CDKAL1: variants seen among roughly 807,000 people sequenced by gnomAD.
CDKAL1 encodes threonylcarbamoyladenosine tRNA methylthiotransferase.
In CDKAL1, 32 loss-of-function variants were observed where a neutral mutation model predicts 68.2. The ratio of observed to expected loss-of-function variants is 0.47; its 90% CI spans 0.35 to 0.63. The LOEUF is 0.63. CDKAL1 is among the 30% of genes least tolerant of loss of function. CDKAL1 has a pLI of 0.00. For missense variants in CDKAL1, 606 were observed against 696.7 expected, an observed-to-expected ratio of 0.87 and a Z score of 1.47; for synonymous variants, 234 against 244.3, an observed-to-expected ratio of 0.96 and a Z score of 0.39.
In CDKAL1 at chr6:21,037,044, A is replaced by AT. The variant is rs1338547700; in HGVS notation, c.1056-27997dup. Among the ~76,000 whole-genome samples, 16 of 152,142 alleles carry AT rather than the reference A, an allele frequency of 1.1e-4. 2 individuals carry two copies. Among genetic ancestry groups the AT allele is most frequent in the South Asian group, 2.1e-4 (1 of 4,828 alleles). ...TGGAGATGTATCTTCTAGAACATTG[A>AT]TTTTTTTGGACTTTTTTTGTTTGTT... On this transcript the variant is annotated intron_variant, in intron 11 of 15. Transcript: ENST00000274695.
At chr6:20,702,828 G>A (rs1363696691) in intron 5 of CDKAL1, among the ~76,000 whole-genome samples, 1 of 152,134 alleles carries the variant, frequency 6.6e-6, no homozygotes, top group Non-Finnish European at 1.5e-5. Flanking sequence ...CTAGGTCTGT[G>A]GGGGTGGAGC....
intron 4 of CDKAL1, among the ~76,000 whole-genome samples, chr6:20,640,003 G>T (rs1175860852): frequency 6.6e-6 from 1 of 152,174 alleles, no homozygotes; most frequent in African/African-American, 2.4e-5. Context: ...TTTTCAAGTT[G>T]TACCTTAAGG....
At chr6:21,216,871 C>G (rs968723996) in intron 15 of CDKAL1, among the ~76,000 whole-genome samples, 4 of 152,196 alleles carry the variant, frequency 2.6e-5, no homozygotes, top group African/African-American at 7.2e-5. Flanking sequence ...AATCATTTCT[C>G]TAGTCTGGGT....
Position 20,904,938 on chromosome 6 carries a change from A to G in CDKAL1, c.743-50481A>G, listed in dbSNP as rs148433889. Among the ~76,000 whole-genome samples the G allele has an allele frequency of 5.2e-3, 791 of 152,320 alleles. 1 individual carries two copies. Among genetic ancestry groups the G allele is most frequent in the Admixed American group, 8.1e-3 (124 of 15,306 alleles). Reference sequence around the variant, plus strand: ...TATCAATCAAATCAAATCAAAACAAAACAAAACCAAAAGCCGCAGCAAACC... The same window carrying G: ...TATCAATCAAATCAAATCAAAACAAGACAAAACCAAAAGCCGCAGCAAACC... On this transcript the variant is annotated intron_variant, in intron 9 of 15. Transcript: ENST00000274695.
rs76924981 is a variant in CDKAL1, at chr6:20,572,124, G to C, written c.286+23419G>C. Among the ~76,000 whole-genome samples the C allele has an allele frequency of 1.2e-3, 189 of 152,234 alleles. 6 individuals carry two copies. In the East Asian group the frequency reaches 0.035, roughly 28 times the overall value. On this transcript the variant is annotated intron_variant, in intron 4 of 15. Coordinates refer to ENST00000274695, the MANE Select transcript of CDKAL1 (RefSeq NM_017774.3). ...TCAAGAGCACTTTACCCCTGTTGGAGGCAGCCAGGTTAGCTTTATTGAATG... is the reference window on the plus strand; with the variant it reads ...TCAAGAGCACTTTACCCCTGTTGGACGCAGCCAGGTTAGCTTTATTGAATG...
intron 10 of CDKAL1, among the ~76,000 whole-genome samples, chr6:20,999,156 A>G (rs9358383): frequency 0.37 from 55,822 of 151,958 alleles, 12,403 homozygotes; most frequent in African/African-American, 0.63. Flanking sequence ...TTAATGAGCC[A>G]CTCCCTTTAT....
Position 21,231,110 on chromosome 6 carries a change from G to C in CDKAL1, c.*71G>C. The C allele has an allele frequency of 3.2e-6, 4 of 1,240,462 alleles. No individual in the cohort carries two copies. Among genetic ancestry groups the C allele is most frequent in the Non-Finnish European group, 4.5e-6 (4 of 885,608 alleles). The allele number at this position is 1,240,462 out of a possible 1,614,324, so 76.8% of individuals were successfully genotyped here. ...TAAAATCTTCAATGAACAGGAAAGC[G>C]ACATCTCCATTCTCCAAGGGCAATA... On this transcript the variant is annotated 3_prime_UTR_variant, in exon 16 of 16. Coordinates refer to ENST00000274695, the MANE Select transcript of CDKAL1 (RefSeq NM_017774.3).
chr6:20,568,345 A>G (rs1215353364), intron 4 of CDKAL1, among the ~76,000 whole-genome samples: 29 of 152,136 alleles, frequency 1.9e-4, no homozygotes, highest in Admixed American at 1.9e-3. Flanking sequence ...ATTCTCGTCT[A>G]TGAAATAACG....
chr6:20,832,433 TTG>T (rs1484341897), intron 8 of CDKAL1, among the ~76,000 whole-genome samples: 5 of 151,892 alleles, frequency 3.3e-5, no homozygotes, highest in Admixed American at 6.6e-5. Flanking sequence ...TCAAAGCAAT[TTG>T]TTAGCCTGGT....
At chr6:21,196,608 G>C (rs1465483300) in intron 13 of CDKAL1, among the ~76,000 whole-genome samples, 1 of 152,204 alleles carries the variant, frequency 6.6e-6, no homozygotes, top group Admixed American at 6.5e-5. Context: ...GTATGATAGA[G>C]AGGGGAGTTT....
At chr6:20,696,365 CTG>C (rs1270330547) in intron 5 of CDKAL1, among the ~76,000 whole-genome samples, 1 of 152,174 alleles carries the variant, frequency 6.6e-6, no homozygotes, top group Non-Finnish European at 1.5e-5. Context: ...TAGGGTTAGA[CTG>C]TGAACTTTTG....
chr6:20,786,224 C>G (rs1342666730), intron 8 of CDKAL1, among the ~76,000 whole-genome samples: 1 of 152,026 alleles, frequency 6.6e-6, no homozygotes, highest in East Asian at 1.9e-4. Context: ...GATTTCATCT[C>G]TAAATAAATA....
chr6:20,572,929 A>G (rs1214033196), intron 4 of CDKAL1, among the ~76,000 whole-genome samples: 6 of 152,318 alleles, frequency 3.9e-5, no homozygotes, highest in African/African-American at 1.4e-4. Context: ...TACATGTAAC[A>G]AGGATATTGC....
intron 5 of CDKAL1, among the ~76,000 whole-genome samples, chr6:20,668,306 G>A (rs1769647521): frequency 6.6e-6 from 1 of 152,046 alleles, no homozygotes. Flanking sequence ...CTGCTTAGAA[G>A]AATGTTTTTT....
At chr6:21,190,662 C>CA (rs1554194029) in intron 13 of CDKAL1, among the ~76,000 whole-genome samples, 20 of 152,156 alleles carry the variant, frequency 1.3e-4, no homozygotes, top group African/African-American at 4.6e-4. Flanking sequence ...CCGCTGCGCC[C>CA]GGGCTGATAT....
intron 14 of CDKAL1, 171 bp from the exon 15 acceptor site, chr6:21,200,939 A>T (rs369843717): frequency 4.0e-6 from 2 of 501,376 alleles, no homozygotes; most frequent in East Asian, 6.1e-5. Context: ...GGGTTCATTA[A>T]TTGTGGCAAA....
At chr6:20,903,111 A>G (rs771576040) in intron 9 of CDKAL1, among the ~76,000 whole-genome samples, 3 of 152,134 alleles carry the variant, frequency 2.0e-5, no homozygotes. Context: ...TATTCACCAA[A>G]AATTGATGCC....
At chr6:20,741,138 G>C (rs1773438308) in intron 6 of CDKAL1, among the ~76,000 whole-genome samples, 1 of 152,014 alleles carries the variant, frequency 6.6e-6, no homozygotes, top group Admixed American at 6.6e-5. Context: ...GGATGTACAG[G>C]AGATTCTCCA....
rs111860609 is a variant in CDKAL1 at position 20,556,634 on chromosome 6, G to T, written c.286+7929G>T. ...CCATGATTATTTACATTTATATAGT[G>T]TCTTACAGTTTGTAACATACATTTA... On this transcript the variant is annotated intron_variant, in intron 4 of 15. Coordinates refer to ENST00000274695, the MANE Select transcript of CDKAL1 (RefSeq NM_017774.3). 4.0e-3 allele frequency among the ~76,000 whole-genome samples: 602 copies of T among 152,212 alleles called. 3 individuals carry two copies. The highest frequency in any genetic ancestry group is 0.014 in the African/African-American group (568 of 41,532).
Sources: gnomAD v4.1 joint callset for allele counts (sites outside exome capture counted in the v4.1 genomes callset) on GRCh38, gnomAD v4.1.1 for gene constraint, MANE v1.5 for transcripts, NCBI Gene and HGNC (gene_info 2026-07-23, HGNC 2026-07-21) for gene names.